Variants in TUBA4B observed in about 807,000 individuals in gnomAD.
The protein encoded by TUBA4B is tubulin-like protein alpha-4B.
A neutral mutation model predicts 18.4 loss-of-function variants in TUBA4B; 13 were observed. The ratio of observed to expected loss-of-function variants is 0.71; its 90% CI spans 0.46 to 1.12. The LOEUF (loss-of-function observed/expected upper bound fraction) is 1.12. Among genes scored for constraint, TUBA4B ranks in the 50% most tolerant of loss-of-function variants. TUBA4B has a pLI of 0.00. For synonymous variants in TUBA4B, 101 were observed against 99.1 expected, an observed-to-expected ratio of 1.02 and a Z score of -0.11; for missense variants, 244 against 250.0, an observed-to-expected ratio of 0.98 and a Z score of 0.16.
intron 1 of TUBA4B, among the ~76,000 whole-genome samples, chr2:219,253,693 CAA>C (rs1951687199): frequency 6.6e-6 from 1 of 152,226 alleles, no homozygotes; most frequent in Non-Finnish European, 1.5e-5. Context: ...ACGGCTCGGC[CAA>C]AGTCACCAGG....
intron 1 of TUBA4B, among the ~76,000 whole-genome samples, chr2:219,260,396 A>T (rs994782535): frequency 3.3e-5 from 5 of 152,248 alleles, no homozygotes; most frequent in African/African-American, 1.2e-4. Context: ...TAGAGTATAT[A>T]CATTCCCATA....
At position 219,266,502 on chromosome 2, in the gene TUBA4B, C is replaced by T. The variant is rs1348181665; in HGVS notation, c.13-19C>T. On this transcript the variant is annotated intron_variant, in intron 1 of 3. Coordinates refer to ENST00000490341, the MANE Select transcript of TUBA4B (RefSeq NM_001355221.1). ...GCTGCAGGCCTCTCACAGATCTATC[C>T]CTGCTCACTATCCTGCAGCAGACAG... is the stretch of plus-strand genomic sequence containing the variant. The T allele has an allele frequency of 1.9e-5, 13 of 702,682 alleles. No individual in the cohort carries two copies. The African/African-American group carries it at 2.1e-4, about 11-fold the overall frequency. 43.5% of individuals were successfully genotyped at this position (702,682 alleles called of 1,614,324 possible).
In TUBA4B at chr2:219,270,269, T is replaced by A; in HGVS notation, c.126T>A (p.Tyr42Ter). The change falls in exon 3 of 4, where the codon TAT becomes TAA. Residue 42 changes from tyrosine to a stop codon, truncating the protein, a stop_gained. Transcript: ENST00000490341. LOFTEE classifies it high-confidence loss of function. Reference protein sequence around the residue: ...ITGKEDAANNYAWGHYTIGKE... With the variant: ...ITGKEDAANN ...GCAAGGAAGATGCTGCCAATAACTA[T>A]GCCTGGGGCCACTACACCATTGGGA... The A allele has an allele frequency of 1.3e-6, 1 of 769,240 alleles. No homozygotes were observed. Among genetic ancestry groups the A allele is most frequent in the Non-Finnish European group, 2.4e-6 (1 of 414,102 alleles). 47.7% of individuals were successfully genotyped at this position (769,240 alleles called of 1,614,324 possible).
At chr2:219,267,291 T>C (rs1951796303) in intron 2 of TUBA4B, among the ~76,000 whole-genome samples, 1 of 152,194 alleles carries the variant, frequency 6.6e-6, no homozygotes, top group Non-Finnish European at 1.5e-5. Context: ...AGGGTCGGTT[T>C]CCTCATCTAT....
chr2:219,272,078 G>A lies in TUBA4B; in HGVS notation c.*379G>A. On this transcript the variant is annotated 3_prime_UTR_variant, in exon 4 of 4. Transcript: ENST00000490341. ...ATGAGGATATGACTGCCCTGGAGAA[G>A]GATTACAAGGAGGTGGGCATGGATA... 1 of 1,171,462 alleles carries A rather than the reference G, an allele frequency of 8.5e-7. No individual in the cohort carries two copies. Among genetic ancestry groups the A allele is most frequent in the Non-Finnish European group, 1.3e-6 (1 of 788,050 alleles). The allele number at this position is 1,171,462 out of a possible 1,614,324, so 72.6% of individuals were successfully genotyped here. A position where few individuals can be genotyped will look rare whatever the true frequency, so the allele number is the denominator to read the frequency against.
intron 1 of TUBA4B, among the ~76,000 whole-genome samples, chr2:219,261,164 G>A (rs1951757586): frequency 2.6e-5 from 4 of 151,988 alleles, no homozygotes; most frequent in African/African-American, 4.8e-5. Flanking sequence ...TCTTTCCAGG[G>A]TTGATTCAGT....
At chr2:219,260,538 C>G (rs530971478) in intron 1 of TUBA4B, among the ~76,000 whole-genome samples, 1 of 152,180 alleles carries the variant, frequency 6.6e-6, no homozygotes, top group Non-Finnish European at 1.5e-5. Context: ...GACATCTCCA[C>G]TTGAAAGCCC....
At chr2:219,264,276 A>C (rs189120598) in intron 1 of TUBA4B, among the ~76,000 whole-genome samples, 12 of 152,142 alleles carry the variant, frequency 7.9e-5, no homozygotes, top group Admixed American at 1.3e-4. Context: ...CTTGGCCAAC[A>C]TGGTGAAACA....
At position 219,253,399 on chromosome 2, in the gene TUBA4B, G is replaced by C. The variant is rs1951681792; in HGVS notation, c.-9G>C. The C allele has an allele frequency of 6.5e-7, 1 of 1,533,328 alleles. No homozygotes were observed. The highest frequency in any genetic ancestry group is 1.4e-5 in the African/African-American group (1 of 73,002). 95.0% of individuals were successfully genotyped at this position (1,533,328 alleles called of 1,614,324 possible). On this transcript the variant is annotated 5_prime_UTR_variant, in exon 1 of 4. Transcript: ENST00000490341. ...GGATAGTTGGAATGCATACACAGAG[G>C]AAAGGGGGATGCGGCACCAGGTAAC...
In TUBA4B at chr2:219,270,393, G is replaced by T. The variant is rs181771697; in HGVS notation, c.192+58G>T. ...AATGAATCTGGATTCCTGTTGTGAG[G>T]TAGTCTGGACACCAGATTGGGGAAG... is the stretch of plus-strand genomic sequence containing the variant. On this transcript the variant is annotated intron_variant, in intron 3 of 3. Transcript: ENST00000490341. The T allele has an allele frequency of 5.6e-4, 391 of 699,414 alleles. No individual in the cohort carries two copies. In the African/African-American group the frequency reaches 6.2e-3, roughly 11 times the overall value. The allele number at this position is 699,414 out of a possible 1,614,324, so 43.3% of individuals were successfully genotyped here.
At chr2:219,256,161 T>C (rs530131430) in intron 1 of TUBA4B, among the ~76,000 whole-genome samples, 1 of 152,196 alleles carries the variant, frequency 6.6e-6, no homozygotes, top group Non-Finnish European at 1.5e-5. Flanking sequence ...TAGGAAAAAC[T>C]CTAAACCTCT....
chr2:219,262,948 G>C (rs1364226353), intron 1 of TUBA4B, among the ~76,000 whole-genome samples: 1 of 152,086 alleles, frequency 6.6e-6, no homozygotes, highest in African/African-American at 2.4e-5. Context: ...GGCTGAGACA[G>C]GAGAATTGCT....
intron 1 of TUBA4B, 157 bp from the exon 2 acceptor site, chr2:219,266,364 G>C: frequency 1.7e-6 from 1 of 592,842 alleles, no homozygotes; most frequent in Non-Finnish European, 3.0e-6. Context: ...CAGGCCCAGA[G>C]CTTGCCTCGT....
intron 1 of TUBA4B, among the ~76,000 whole-genome samples, chr2:219,259,124 T>TAATAAATAAATA (rs58291199): frequency 7.4e-6 from 1 of 134,396 alleles, no homozygotes; most frequent in African/African-American, 2.7e-5. Flanking sequence ...CTACTAAAAA[T>TAATAAATAAATA]AATAAATAAA....
intron 2 of TUBA4B, among the ~76,000 whole-genome samples, chr2:219,268,929 T>A (rs1421677819): frequency 6.6e-6 from 1 of 152,106 alleles, no homozygotes; most frequent in Non-Finnish European, 1.5e-5. Context: ...GACCTGTCTC[T>A]ACAAAAAAAT....
chr2:219,271,987 C>CCA lies in TUBA4B; in HGVS notation c.*289_*290dup. On this transcript the variant is annotated 3_prime_UTR_variant, in exon 4 of 4. Coordinates refer to ENST00000490341, the MANE Select transcript of TUBA4B (RefSeq NM_001355221.1). ...GACCACAAGTTTGACCTGATGTATGCCAAGAGGGCGTTTGGGCACTGATAT... is the reference window on the plus strand; with the variant it reads ...GACCACAAGTTTGACCTGATGTATGCCACAAGAGGGCGTTTGGGCACTGATAT... 1 of 1,522,668 alleles carries CCA rather than the reference C, an allele frequency of 6.6e-7. No homozygotes were observed. Among genetic ancestry groups the CCA allele is most frequent in the South Asian group, 1.1e-5 (1 of 89,118 alleles). The allele number at this position is 1,522,668 out of a possible 1,614,324, so 94.3% of individuals were successfully genotyped here. A position where few individuals can be genotyped will look rare whatever the true frequency, so the allele number is the denominator to read the frequency against.
chr2:219,259,258 G>T (rs1951745492), intron 1 of TUBA4B, among the ~76,000 whole-genome samples: 1 of 149,100 alleles, frequency 6.7e-6, no homozygotes, highest in Non-Finnish European at 1.5e-5. Flanking sequence ...GGCAGAGGTT[G>T]TAGTGAGCCG....
rs765438640 is a variant in TUBA4B, at chr2:219,270,350, G to C, written c.192+15G>C. Reference sequence around the variant, plus strand: ...TTCGGAAGCTGGTGAGGAAAGGACTGAGGGCTGGGGCAGGGGGAATGAATC... The same window carrying C: ...TTCGGAAGCTGGTGAGGAAAGGACTCAGGGCTGGGGCAGGGGGAATGAATC... On this transcript the variant is annotated intron_variant, in intron 3 of 3. Coordinates refer to ENST00000490341, the MANE Select transcript of TUBA4B (RefSeq NM_001355221.1). 1.7e-5 allele frequency: 12 copies of C among 716,714 alleles called. No homozygotes were observed. The African/African-American group carries it at 1.9e-4, about 11-fold the overall frequency. The allele number at this position is 716,714 out of a possible 1,614,324, so 44.4% of individuals were successfully genotyped here.
intron 1 of TUBA4B, among the ~76,000 whole-genome samples, chr2:219,262,913 C>G (rs1319212556): frequency 6.6e-6 from 1 of 151,920 alleles, no homozygotes; most frequent in Non-Finnish European, 1.5e-5. Context: ...TGGTGGCATG[C>G]GCCTGTAATC....
Sources: allele counts gnomAD v4.1 joint callset (sites outside exome capture counted in the v4.1 genomes callset), GRCh38; gene constraint gnomAD v4.1.1; transcripts MANE v1.5; gene names NCBI Gene and HGNC (gene_info 2026-07-23, HGNC 2026-07-21).